Variants in NRP2 observed in about 807,000 individuals in gnomAD.
NRP2 encodes the protein neuropilin 2, also known as neuropilin-2.
In NRP2, 52 loss-of-function variants were observed where a neutral mutation model predicts 110.4. The observed-to-expected ratio is 0.47, with a 90% CI of 0.38 to 0.59. The LOEUF is 0.59. NRP2 is among the 20% of genes least tolerant of loss of function. The probability of loss-of-function intolerance (pLI) is 0.00; values close to 1 mark genes in which losing one functional copy is unlikely to be tolerated. For missense variants in NRP2, 1,049 were observed against 1,203.0 expected, an observed-to-expected ratio of 0.87 and a Z score of 1.89; for synonymous variants, 508 against 468.9, an observed-to-expected ratio of 1.08 and a Z score of -1.08.
intron 15 of NRP2, chr2:205,767,193 A>T (rs1465914050): frequency 6.2e-6 from 2 of 324,820 alleles, no homozygotes; most frequent in East Asian, 8.5e-5. Context: ...TGAGGTGGCA[A>T]TGATTTATTT....
In NRP2 at chr2:205,697,599, C is replaced by G. The variant is rs746895763; in HGVS notation, c.129C>G (p.Pro43=). 1 of 1,613,980 alleles carries G rather than the reference C, an allele frequency of 6.2e-7. No homozygotes were observed. Among genetic ancestry groups the G allele is most frequent in the African/African-American group, 1.3e-5 (1 of 74,942 alleles). Residue 43 remains proline, a synonymous_variant, in exon 2 of 17, where the codon CCC becomes CCG. Transcript: ENST00000357785. ...NSKDAGYITS[P]GYPQDYPSHQ... ...AAGATGCTGGCTATATCACCTCTCC[C>G]GGTTACCCCCAGGACTACCCCTCCC...
At chr2:205,692,492 T>A (rs1365895641) in intron 1 of NRP2, among the ~76,000 whole-genome samples, 3 of 152,226 alleles carry the variant, frequency 2.0e-5, no homozygotes, top group African/African-American at 7.2e-5. Flanking sequence ...TTAGATGATC[T>A]GGGTGAGGGA....
At chr2:205,742,427 A>G (rs536655653) in intron 8 of NRP2, among the ~76,000 whole-genome samples, 22 of 152,260 alleles carry the variant, frequency 1.4e-4, no homozygotes, top group Non-Finnish European at 1.5e-5. Flanking sequence ...GAATGTGCAC[A>G]TGAAGGAAAA....
chr2:205,772,106 A>C (rs1037383739), intron 15 of NRP2, among the ~76,000 whole-genome samples: 2 of 152,154 alleles, frequency 1.3e-5, no homozygotes, highest in South Asian at 4.1e-4. Flanking sequence ...GCCCTTCTCC[A>C]CAATTATCCT....
intron 7 of NRP2, among the ~76,000 whole-genome samples, chr2:205,736,331 A>G (rs2057342634): frequency 6.6e-6 from 1 of 152,154 alleles, no homozygotes; most frequent in South Asian, 2.1e-4. Flanking sequence ...GACAGAGCAA[A>G]ACCCCATCTC....
chr2:205,701,037 C>T (rs752682460), intron 2 of NRP2: 3 of 204,990 alleles, frequency 1.5e-5, no homozygotes, highest in Non-Finnish European at 3.0e-5. Flanking sequence ...AGGCCTTTCG[C>T]TTGAGTCATC....
intron 2 of NRP2, among the ~76,000 whole-genome samples, chr2:205,712,826 C>T (rs2056824277): frequency 6.6e-6 from 1 of 152,142 alleles, no homozygotes; most frequent in South Asian, 2.1e-4. Context: ...TGTGTCACTT[C>T]CCCTCAAGCA....
chr2:205,787,045 C>T (rs1029021074), intron 15 of NRP2, among the ~76,000 whole-genome samples: 1 of 152,154 alleles, frequency 6.6e-6, no homozygotes, highest in African/African-American at 2.4e-5. Flanking sequence ...CTTCAAAGAA[C>T]CCTCATCAGA....
intron 7 of NRP2, among the ~76,000 whole-genome samples, chr2:205,734,480 T>C (rs1474917073): frequency 7.0e-6 from 1 of 142,046 alleles, no homozygotes; most frequent in Non-Finnish European, 1.5e-5. Context: ...CAGGATGGCA[T>C]TCATTGATTA....
chr2:205,694,668 A>T (rs1374508584), intron 1 of NRP2, among the ~76,000 whole-genome samples: 1 of 152,216 alleles, frequency 6.6e-6, no homozygotes, highest in African/African-American at 2.4e-5. Context: ...CCATGTATAA[A>T]GTTCATTGTG....
chr2:205,763,588 A>C lies in NRP2; in HGVS notation c.2045-86A>C. The C allele has an allele frequency of 6.3e-7, 1 of 1,581,712 alleles. No individual in the cohort carries two copies. Among genetic ancestry groups the C allele is most frequent in the South Asian group, 1.1e-5 (1 of 90,052 alleles). ...CCAAAGACACCGAAACTCAGTCCCA[A>C]CTTTCCCTTGGAGAGGCCACAGCAG... On this transcript the variant is annotated intron_variant, in intron 12 of 16. Coordinates refer to ENST00000357785, the MANE Select transcript of NRP2 (RefSeq NM_003872.3). This position sits in a 1 kb window ranked among gnomAD's most constrained non-coding sequence, Gnocchi z 4.0.
In NRP2 at chr2:205,725,841, A is replaced by T; in HGVS notation, c.821-72A>T. ...CTGCAAGGACTTGTCCCTAGAAGGGAGGCAGCATTTGGGGGATCCCGAGGT... is the reference window on the plus strand; with the variant it reads ...CTGCAAGGACTTGTCCCTAGAAGGGTGGCAGCATTTGGGGGATCCCGAGGT... On this transcript the variant is annotated intron_variant, in intron 5 of 16. Transcript: ENST00000357785. This position sits in a 1 kb window ranked among gnomAD's most constrained non-coding sequence, Gnocchi z 4.1. The T allele has an allele frequency of 2.0e-6, 3 of 1,509,136 alleles. No individual in the cohort carries two copies. The highest frequency in any genetic ancestry group is 2.8e-6 in the Non-Finnish European group (3 of 1,086,488). The allele number at this position is 1,509,136 out of a possible 1,614,324, so 93.5% of individuals were successfully genotyped here.
At chr2:205,773,837 G>A (rs1177063411) in intron 15 of NRP2, among the ~76,000 whole-genome samples, 3 of 152,186 alleles carry the variant, frequency 2.0e-5, no homozygotes, top group Non-Finnish European at 4.4e-5. Context: ...GTGATGGAGG[G>A]AATGTGGGTA....
chr2:205,736,348 A>G (rs1207631053), intron 7 of NRP2, among the ~76,000 whole-genome samples: 1 of 152,194 alleles, frequency 6.6e-6, no homozygotes, highest in African/African-American at 2.4e-5. Context: ...TCTCAAAAAT[A>G]AATAAATTAA....
chr2:205,684,236 A>C (rs1374771677), intron 1 of NRP2, among the ~76,000 whole-genome samples: 2 of 152,124 alleles, frequency 1.3e-5, no homozygotes, highest in African/African-American at 4.8e-5. Context: ...GGAAAGGGGA[A>C]TCCATGGGGA....
intron 2 of NRP2, among the ~76,000 whole-genome samples, chr2:205,705,316 T>A (rs1357592866): frequency 6.6e-6 from 1 of 152,178 alleles, no homozygotes; most frequent in African/African-American, 2.4e-5. Flanking sequence ...TTGTATTTAA[T>A]TTACATAATC....
At chr2:205,778,689 C>A (rs1321614373) in intron 15 of NRP2, 2 of 152,188 alleles carry the variant, frequency 1.3e-5, no homozygotes, top group East Asian at 1.9e-4. Context: ...AGTGTAGTGA[C>A]CAGCTGAGTT....
chr2:205,693,329 G>T (rs2056352228), intron 1 of NRP2, among the ~76,000 whole-genome samples: 1 of 152,132 alleles, frequency 6.6e-6, no homozygotes, highest in Non-Finnish European at 1.5e-5. Flanking sequence ...AGGGAATGGA[G>T]ATGCCCCATT....
chr2:205,697,509 T>C, intron 1 of NRP2, 35 bp from the exon 2 acceptor site: 1 of 1,587,534 alleles, frequency 6.3e-7, no homozygotes. Flanking sequence ...TTGTAACATA[T>C]TTGAAGTTCT....
Sources: allele counts gnomAD v4.1 joint callset (sites outside exome capture counted in the v4.1 genomes callset), GRCh38; gene constraint gnomAD v4.1.1; non-coding constraint Gnocchi (gnomAD v3.1); transcripts MANE v1.5; gene names NCBI Gene and HGNC (gene_info 2026-07-23, HGNC 2026-07-21).